The following CDH12 variants were observed in gnomAD, a reference collection of about 807,000 sequenced individuals.
The protein encoded by CDH12 is cadherin-12.
In CDH12, 41 loss-of-function variants were observed where a neutral mutation model predicts 74.1. That is an observed-to-expected ratio of 0.55 (90% CI 0.43 to 0.72). The LOEUF (loss-of-function observed/expected upper bound fraction) is 0.72. CDH12 is among the 30% of genes least tolerant of loss of function. CDH12 has a pLI of 0.00. For missense variants in CDH12, 945 were observed against 977.2 expected, an observed-to-expected ratio of 0.97 and a Z score of 0.44; for synonymous variants, 399 against 355.0, an observed-to-expected ratio of 1.12 and a Z score of -1.39.
intron 1 of CDH12, among the ~76,000 whole-genome samples, chr5:22,693,202 C>T (rs2355852): frequency 0.5 from 76,294 of 151,868 alleles, 19,800 homozygotes; most frequent in Non-Finnish European, 0.56. Flanking sequence ...TGTCTTATGA[C>T]GGTTCTATTT....
intron 1 of CDH12, among the ~76,000 whole-genome samples, chr5:22,645,586 T>C (rs1332784730): frequency 2.0e-5 from 3 of 152,132 alleles, no homozygotes; most frequent in East Asian, 3.9e-4. Flanking sequence ...GACAAAGCAA[T>C]AGTCAAGTTT....
intron 4 of CDH12, among the ~76,000 whole-genome samples, chr5:22,098,601 A>G (rs1409694714): frequency 5.3e-5 from 8 of 152,208 alleles, no homozygotes; most frequent in African/African-American, 1.7e-4. Flanking sequence ...CCCACCTGAC[A>G]CATATACTTT....
intron 4 of CDH12, among the ~76,000 whole-genome samples, chr5:22,202,153 T>C (rs1750960892): frequency 1.0e-5 from 1 of 99,768 alleles, no homozygotes; most frequent in South Asian, 4.6e-4. Context: ...CTACTTTCCT[T>C]CCTTCCTTCC....
chr5:22,359,144 A>G (rs150259985), intron 3 of CDH12, among the ~76,000 whole-genome samples: 3,341 of 152,280 alleles, frequency 0.022, 62 homozygotes, highest in African/African-American at 0.051. Flanking sequence ...CAAACTGGAT[A>G]AAGAGTCAAG....
intron 3 of CDH12, among the ~76,000 whole-genome samples, chr5:22,397,677 G>T (rs1404952070): frequency 6.6e-6 from 1 of 152,088 alleles, no homozygotes; most frequent in African/African-American, 2.4e-5. Context: ...GCAGTTATAA[G>T]ATATTGCTAC....
intron 7 of CDH12, among the ~76,000 whole-genome samples, chr5:21,851,013 A>C (rs1050312300): frequency 3.3e-5 from 5 of 151,414 alleles, no homozygotes; most frequent in African/African-American, 1.2e-4. Flanking sequence ...GTACACTTAA[A>C]ATGGTAAAAA....
chr5:22,542,385 C>G (rs1580748947), intron 1 of CDH12, among the ~76,000 whole-genome samples: 1 of 152,102 alleles, frequency 6.6e-6, no homozygotes, highest in South Asian at 2.1e-4. Flanking sequence ...AGAAAATGAT[C>G]CATTGCCAAG....
chr5:22,602,175 T>G (rs1261419049), intron 1 of CDH12, among the ~76,000 whole-genome samples: 1 of 152,100 alleles, frequency 6.6e-6, no homozygotes. Flanking sequence ...TGTGAAATTC[T>G]GTAAAAGGGC....
intron 1 of CDH12, among the ~76,000 whole-genome samples, chr5:22,738,446 T>C (rs1744854525): frequency 1.3e-5 from 2 of 152,032 alleles, no homozygotes; most frequent in African/African-American, 2.4e-5. Flanking sequence ...GATTTGACTC[T>C]ACTACGTTGA....
rs1405691146 is a variant in CDH12 at position 22,007,870 on chromosome 5, AT to A, written c.232-32486del. Among the ~76,000 whole-genome samples the A allele has an allele frequency of 2.0e-5, 3 of 152,044 alleles. No homozygotes were observed. In the East Asian group the frequency reaches 5.8e-4, roughly 29 times the overall value. On this transcript the variant is annotated intron_variant, in intron 5 of 14. Coordinates refer to ENST00000382254, the MANE Select transcript of CDH12 (RefSeq NM_004061.5). ...TTTTGTTATTTTGTGGCTTTCCTAG[AT>A]TTTTTTCATTATCCTTCATCTGTCT... is the stretch of plus-strand genomic sequence containing the variant.
chr5:22,376,335 T>C (rs1741523775), intron 3 of CDH12, among the ~76,000 whole-genome samples: 1 of 151,840 alleles, frequency 6.6e-6, no homozygotes. Context: ...AGAGACTGAT[T>C]ATTGGGTGCA....
intron 3 of CDH12, among the ~76,000 whole-genome samples, chr5:22,308,897 AG>A: frequency 2.6e-5 from 1 of 37,766 alleles, no homozygotes; most frequent in Non-Finnish European, 6.8e-5. Flanking sequence ...AGAGAGAGAG[AG>A]GAGAGAGAGG....
chr5:22,135,208 GCA>G (rs1491097213), intron 4 of CDH12, among the ~76,000 whole-genome samples: 10 of 52,618 alleles, frequency 1.9e-4, no homozygotes, highest in Admixed American at 8.7e-4. Flanking sequence ...GAACACATAA[GCA>G]AAAAAAAAAA....
At chr5:21,954,952 G>T (rs1257153557) in intron 6 of CDH12, among the ~76,000 whole-genome samples, 3 of 152,030 alleles carry the variant, frequency 2.0e-5, no homozygotes. Flanking sequence ...TAATTTGTTT[G>T]GAAGAAGCAC....
At chr5:22,590,453 C>T (rs1406921902) in intron 1 of CDH12, among the ~76,000 whole-genome samples, 1 of 151,978 alleles carries the variant, frequency 6.6e-6, no homozygotes, top group Non-Finnish European at 1.5e-5. Context: ...TCTTCTTTCA[C>T]AAAATAAGCA....
At chr5:22,467,286 CT>C (rs1226934497) in intron 2 of CDH12, among the ~76,000 whole-genome samples, 1 of 152,162 alleles carries the variant, frequency 6.6e-6, no homozygotes, top group African/African-American at 2.4e-5. Flanking sequence ...CATTTGTACT[CT>C]TACATCAGGT....
chr5:22,167,854 A>G (rs188446281), intron 4 of CDH12, among the ~76,000 whole-genome samples: 2 of 152,220 alleles, frequency 1.3e-5, no homozygotes, highest in East Asian at 3.9e-4. Flanking sequence ...CCTCTGGCAC[A>G]TGGGTACACC....
chr5:22,052,641 A>G (rs1740455286), intron 5 of CDH12, among the ~76,000 whole-genome samples: 1 of 152,152 alleles, frequency 6.6e-6, no homozygotes, highest in South Asian at 2.1e-4. Context: ...CTTAATCAAC[A>G]AATTGTATTA....
At chr5:22,404,615 A>G (rs932443495) in intron 3 of CDH12, among the ~76,000 whole-genome samples, 1 of 152,220 alleles carries the variant, frequency 6.6e-6, no homozygotes, top group Non-Finnish European at 1.5e-5. Context: ...AATGAATCTC[A>G]TGCATCAAGG....
Sources: gnomAD v4.1 joint callset for allele counts (sites outside exome capture counted in the v4.1 genomes callset) on GRCh38, gnomAD v4.1.1 for gene constraint, MANE v1.5 for transcripts, NCBI Gene and HGNC (gene_info 2026-07-23, HGNC 2026-07-21) for gene names.